Variants in GARIN5A observed in about 807,000 individuals in gnomAD.
GARIN5A encodes the protein Golgi-associated RAB2 interactor protein 5A.
At chr19:50,467,598 C>T in the GARIN5A span, 1 of 1,549,972 alleles carries the variant, frequency 6.5e-7, no homozygotes, top group Non-Finnish European at 8.7e-7. Context: ...CATCATCACC[C>T]TCCCCATCTA....
chr19:50,474,506 C>T, the GARIN5A span, among the ~76,000 whole-genome samples: 93 of 151,988 alleles, frequency 6.1e-4, 3 homozygotes, highest in Non-Finnish European at 2.4e-4. Flanking sequence ...CCACCACGCC[C>T]GACTAATTTT....
chr19:50,476,633 G>T, the GARIN5A span: 1 of 1,549,028 alleles, frequency 6.5e-7, no homozygotes, highest in Admixed American at 1.9e-5. Context: ...GGCAGCGGCT[G>T]CCGGGCCGGG....
the GARIN5A span, among the ~76,000 whole-genome samples, chr19:50,469,018 A>G: frequency 6.6e-6 from 1 of 152,124 alleles, no homozygotes; most frequent in East Asian, 1.9e-4. Context: ...CAAGTCCCCC[A>G]GAAGGCGCAG....
the GARIN5A span, among the ~76,000 whole-genome samples, chr19:50,472,036 G>A: frequency 6.2e-5 from 8 of 129,942 alleles, no homozygotes; most frequent in African/African-American, 3.3e-4. Flanking sequence ...ATATGTACGT[G>A]TGTGTATATG....
the GARIN5A span, chr19:50,475,736 C>A: frequency 3.4e-6 from 3 of 894,406 alleles, no homozygotes; most frequent in Admixed American, 3.9e-5. Context: ...GGGAATCCCA[C>A]GAGATGGACG....
the GARIN5A span, chr19:50,475,785 C>A: frequency 7.2e-7 from 1 of 1,382,336 alleles, no homozygotes; most frequent in South Asian, 1.2e-5. Context: ...AGGAGGAGGT[C>A]GAGGGGCAGG....
chr19:50,469,641 G>A, the GARIN5A span, among the ~76,000 whole-genome samples: 1 of 152,200 alleles, frequency 6.6e-6, no homozygotes, highest in Non-Finnish European at 1.5e-5. Flanking sequence ...CAACAGGGCA[G>A]AGCAGGAAGC....
At chr19:50,475,962 G>T in the GARIN5A span, 1 of 1,607,700 alleles carries the variant, frequency 6.2e-7, no homozygotes, top group South Asian at 1.1e-5. Flanking sequence ...TTACCAGGAC[G>T]AAGTCTGGGG....
At chr19:50,476,512 C>G in the GARIN5A span, 1 of 1,570,544 alleles carries the variant, frequency 6.4e-7, no homozygotes, top group Non-Finnish European at 8.6e-7. Context: ...TCTTGGCTCA[C>G]AGCCGTCCCT....
At chr19:50,472,214 G>T in the GARIN5A span, among the ~76,000 whole-genome samples, 3 of 141,194 alleles carry the variant, frequency 2.1e-5, no homozygotes, top group African/African-American at 8.0e-5. Context: ...ATATACATGT[G>T]TGTATGTATA....
At chr19:50,472,147 C>CGTGTGTATATGTATATAT in the GARIN5A span, among the ~76,000 whole-genome samples, 9 of 142,498 alleles carry the variant, frequency 6.3e-5, no homozygotes, top group Non-Finnish European at 9.1e-5. Context: ...TGTATGTATA[C>CGTGTGTATATGTATATAT]GTGTGTATAT....
chr19:50,467,563 C>T, the GARIN5A span: 1 of 1,534,752 alleles, frequency 6.5e-7, no homozygotes, highest in Non-Finnish European at 8.8e-7. Flanking sequence ...CACCTCCTCC[C>T]ACTCCCTCTG....
At chr19:50,472,072 A>ATG in the GARIN5A span, among the ~76,000 whole-genome samples, 4 of 136,464 alleles carry the variant, frequency 2.9e-5, no homozygotes, top group Non-Finnish European at 6.4e-5. Context: ...GTATATGTGT[A>ATG]TATATACATG....
At chr19:50,471,912 GTA>G in the GARIN5A span, among the ~76,000 whole-genome samples, 146 of 150,212 alleles carry the variant, frequency 9.7e-4, 2 homozygotes, top group African/African-American at 2.5e-3. Context: ...ATGTATGTGT[GTA>G]TATGTGTATA....
the GARIN5A span, chr19:50,467,621 CCT>C: frequency 6.4e-7 from 1 of 1,556,494 alleles, no homozygotes; most frequent in African/African-American, 1.4e-5. Flanking sequence ...TCCTCCAGCA[CCT>C]CTTACTCCTG....
chr19:50,476,837 G>A, the GARIN5A span: 2 of 513,918 alleles, frequency 3.9e-6, no homozygotes, highest in South Asian at 2.8e-5. Context: ...AGTGCACCGG[G>A]TTGCAAGGAC....
the GARIN5A span, among the ~76,000 whole-genome samples, chr19:50,472,277 A>ATACATGTATGTGTGTATTATATG: frequency 6.6e-6 from 1 of 151,238 alleles, no homozygotes; most frequent in African/African-American, 2.4e-5. Flanking sequence ...ATATGTATAT[A>ATACATGTATGTGTGTATTATATG]TACATGTATG....
At chr19:50,473,146 C>T in the GARIN5A span, among the ~76,000 whole-genome samples, 1 of 152,160 alleles carries the variant, frequency 6.6e-6, no homozygotes, top group Non-Finnish European at 1.5e-5. Flanking sequence ...GGCTGTAAGT[C>T]ATCTCGAGTA....
At chr19:50,468,255 T>C in the GARIN5A span, among the ~76,000 whole-genome samples, 1 of 150,188 alleles carries the variant, frequency 6.7e-6, no homozygotes, top group Non-Finnish European at 1.5e-5. Context: ...CCAGCTACTT[T>C]GGAGGCTGAG....
Sources: allele counts gnomAD v4.1 joint callset (sites outside exome capture counted in the v4.1 genomes callset), GRCh38; gene constraint gnomAD v4.1.1; transcripts MANE v1.5; gene names NCBI Gene and HGNC (gene_info 2026-07-23, HGNC 2026-07-21).